The following STAT4 variants were observed in gnomAD, a reference collection of about 807,000 sequenced individuals.
The protein encoded by STAT4 is signal transducer and activator of transcription 4.
Under a neutral mutation model 110.5 loss-of-function variants are expected in STAT4, and 42 were observed. That is an observed-to-expected ratio of 0.38 (90% CI 0.30 to 0.49). The LOEUF (loss-of-function observed/expected upper bound fraction) is 0.49, where lower values mean the gene tolerates loss of function less well. Among genes scored for constraint, STAT4 ranks in the 20% least tolerant of loss-of-function variants. The pLI is 0.95. For synonymous variants in STAT4, 284 were observed against 302.2 expected (o/e 0.94, Z 0.63); for missense variants, 632 against 887.9 (o/e 0.71, Z 3.66).
intron 3 of STAT4, among the ~76,000 whole-genome samples, chr2:191,134,936 C>A (rs1240248057): frequency 1.3e-5 from 2 of 151,292 alleles, no homozygotes; most frequent in African/African-American, 4.9e-5. Context: ...AAGGGAGGTT[C>A]ATAGAAATAA....
In STAT4 at chr2:191,104,784, C is replaced by T. The variant is rs73981282; in HGVS notation, c.274-28459G>A. On this transcript the variant is annotated intron_variant, in intron 3 of 23. Transcript: ENST00000392320. The surrounding 1 kb of genome is among the most constrained non-coding windows in gnomAD (Gnocchi z 4.3). ...TATTACTCTTTTATTTTGCTGCCAA[C>T]TGGTAAAAACTTTATTAAGGATGGG... Among the ~76,000 whole-genome samples the T allele has an allele frequency of 4.2e-3, 646 of 152,154 alleles. 7 individuals carry two copies. The highest frequency in any genetic ancestry group is 0.015 in the African/African-American group (605 of 41,502).
chr2:191,034,492 A>C, intron 18 of STAT4, 56 bp downstream of exon 18: 1 of 1,329,968 alleles, frequency 7.5e-7, no homozygotes, highest in South Asian at 1.2e-5. Flanking sequence ...TAGACTTAGA[A>C]AGGAACATTG....
intron 3 of STAT4, among the ~76,000 whole-genome samples, chr2:191,141,411 A>T (rs1014605714): frequency 2.1e-5 from 1 of 47,792 alleles, no homozygotes; most frequent in Non-Finnish European, 4.9e-5. Context: ...ATATACATAT[A>T]CATATGTATA....
intron 8 of STAT4, among the ~76,000 whole-genome samples, chr2:191,064,129 C>T (rs1696921509): frequency 6.6e-6 from 1 of 152,132 alleles, no homozygotes; most frequent in Non-Finnish European, 1.5e-5. Flanking sequence ...TTGTATTAAC[C>T]ATTTGTGATT....
chr2:191,055,683 T>C (rs1477390533), intron 13 of STAT4, among the ~76,000 whole-genome samples: 1 of 152,216 alleles, frequency 6.6e-6, no homozygotes. Context: ...ATTTTTGTAT[T>C]AAAAAGCAAA....
Position 191,082,032 on chromosome 2 carries a change from C to G in STAT4, c.274-5707G>C, listed in dbSNP as rs1249978849. ...CTGTGCAATGCATGAATCATTCACT[C>G]CAGGGTCTTATTGTGCTGAGATTTC... On this transcript the variant is annotated intron_variant, in intron 3 of 23. Transcript: ENST00000392320. This position sits in a 1 kb window ranked among gnomAD's most constrained non-coding sequence, Gnocchi z 4.7. 6.6e-6 allele frequency among the ~76,000 whole-genome samples: 1 copy of G among 152,122 alleles called. No individual in the cohort carries two copies. Among genetic ancestry groups the G allele is most frequent in the East Asian group, 1.9e-4 (1 of 5,192 alleles).
chr2:191,049,997 G>T (rs1158766704), intron 14 of STAT4, among the ~76,000 whole-genome samples: 1 of 152,168 alleles, frequency 6.6e-6, no homozygotes, highest in Non-Finnish European at 1.5e-5. Context: ...ACTGAACCTT[G>T]AAAGAACATC....
rs1348415640 is a variant in STAT4 at position 191,110,097 on chromosome 2, T to C, written c.274-33772A>G. Among the ~76,000 whole-genome samples the C allele has an allele frequency of 2.0e-5, 3 of 152,196 alleles. No homozygotes were observed. Among genetic ancestry groups the C allele is most frequent in the Non-Finnish European group, 2.9e-5 (2 of 68,030 alleles). On this transcript the variant is annotated intron_variant, in intron 3 of 23. Transcript: ENST00000392320. The surrounding 1 kb of genome is among the most constrained non-coding windows in gnomAD (Gnocchi z 4.5). ...ACCTTCCACAGGGCCCTGCATCAGA[T>C]GCTGGCCGCACAGCAGCCTCAACCA... is the stretch of plus-strand genomic sequence containing the variant.
In STAT4 at chr2:191,147,917, T is replaced by C. The variant is rs888427133; in HGVS notation, c.128+159A>G. Among the ~76,000 whole-genome samples the C allele has an allele frequency of 1.3e-5, 2 of 152,218 alleles. No individual in the cohort carries two copies. The highest frequency in any genetic ancestry group is 4.8e-5 in the African/African-American group (2 of 41,454). On this transcript the variant is annotated intron_variant, in intron 2 of 23. Coordinates refer to ENST00000392320, the MANE Select transcript of STAT4 (RefSeq NM_003151.4). The surrounding 1 kb of genome is among the most constrained non-coding windows in gnomAD (Gnocchi z 4.1). Reference sequence around the variant, plus strand: ...AATGAATGGAACCAGAAAGGACAATTATTCCCCTTCTTTGGGAAGGCTTTC... The same window carrying C: ...AATGAATGGAACCAGAAAGGACAATCATTCCCCTTCTTTGGGAAGGCTTTC...
Position 191,066,587 on chromosome 2 carries a change from C to A in STAT4, c.545-72G>T. ...AGTCAAGTCAGCCTCAATCCACCAT[C>A]CTAAAACAGCCCTGGCCCGGAGAAC... is the stretch of plus-strand genomic sequence containing the variant. On this transcript the variant is annotated intron_variant, in intron 6 of 23. Transcript: ENST00000392320. This position sits in a 1 kb window ranked among gnomAD's most constrained non-coding sequence, Gnocchi z 4.3. 7.2e-7 allele frequency: 1 copy of A among 1,393,272 alleles called. No homozygotes were observed. The highest frequency in any genetic ancestry group is 1.2e-5 in the South Asian group (1 of 82,932). The allele number at this position is 1,393,272 out of a possible 1,614,324, so 86.3% of individuals were successfully genotyped here. A position where few individuals can be genotyped will look rare whatever the true frequency, so the allele number is the denominator to read the frequency against.
intron 8 of STAT4, 130 bp downstream of exon 8, chr2:191,064,677 G>T: frequency 9.0e-7 from 1 of 1,114,614 alleles, no homozygotes; most frequent in Non-Finnish European, 1.2e-6. Context: ...AGATTTCTCA[G>T]CTGCTAATAA....
upstream of STAT4, chr2:191,151,135 C>T (rs1699581936): frequency 1.0e-6 from 1 of 985,386 alleles, no homozygotes; most frequent in Non-Finnish European, 1.2e-6. The surrounding 1 kb of genome is among the most constrained non-coding windows in gnomAD (Gnocchi z 4.7). Flanking sequence ...TTCCCACCCA[C>T]TCTATTCTAG....
At chr2:191,097,921 A>G (rs1002200037) in intron 3 of STAT4, among the ~76,000 whole-genome samples, 2 of 151,822 alleles carry the variant, frequency 1.3e-5, no homozygotes, top group Non-Finnish European at 2.9e-5. Flanking sequence ...CAAGAAAAAA[A>G]AACCAACCAA....
chr2:191,146,875 T>TA lies in STAT4; in HGVS notation c.129-119dup. On this transcript the variant is annotated intron_variant, in intron 2 of 23. Transcript: ENST00000392320. This position sits in a 1 kb window ranked among gnomAD's most constrained non-coding sequence, Gnocchi z 4.5. ...CATGGTGATAAGCATTTAAAAGTTT[T>TA]AAAAAATTAAATTGTTAACATGAAG... 6.2e-6 allele frequency: 6 copies of TA among 965,908 alleles called. No homozygotes were observed. Among genetic ancestry groups the TA allele is most frequent in the Non-Finnish European group, 8.3e-6 (6 of 723,008 alleles). 59.8% of individuals were successfully genotyped at this position (965,908 alleles called of 1,614,324 possible).
At chr2:191,088,483 T>C (rs992857814) in intron 3 of STAT4, among the ~76,000 whole-genome samples, 5 of 152,178 alleles carry the variant, frequency 3.3e-5, no homozygotes, top group African/African-American at 1.2e-4. Context: ...GACTGTATTG[T>C]CAAGATGTCA....
rs1333623093 is a variant in STAT4 at position 191,136,019 on chromosome 2, A to C, written c.273+10594T>G. On this transcript the variant is annotated intron_variant, in intron 3 of 23. Transcript: ENST00000392320. ...ACAGCATCTCAGAAAAAAAAAAAAAAAAACCAAAAAACAAAAAACCAATGT... is the reference window on the plus strand; with the variant it reads ...ACAGCATCTCAGAAAAAAAAAAAAACAAACCAAAAAACAAAAAACCAATGT... Among the ~76,000 whole-genome samples, 75 of 131,674 alleles carry C rather than the reference A, an allele frequency of 5.7e-4. 1 individual carries two copies. The highest frequency in any genetic ancestry group is 1.9e-3 in the African/African-American group (70 of 36,068). The allele number at this position is 131,674 out of a possible 152,430, so 86.4% of individuals were successfully genotyped here. A position where few individuals can be genotyped will look rare whatever the true frequency, so the allele number is the denominator to read the frequency against.
intron 3 of STAT4, among the ~76,000 whole-genome samples, chr2:191,145,943 G>C (rs1387688185): frequency 1.3e-5 from 2 of 152,144 alleles, no homozygotes; most frequent in Non-Finnish European, 2.9e-5. Flanking sequence ...CCCTTAATCA[G>C]TAAACATTGC....
intron 18 of STAT4, among the ~76,000 whole-genome samples, chr2:191,034,263 A>G (rs1189261123): frequency 6.6e-6 from 1 of 152,082 alleles, no homozygotes; most frequent in South Asian, 2.1e-4. Context: ...TCTACTAAAA[A>G]TATGAAAAAA....
chr2:191,141,881 G>T (rs1370841688), intron 3 of STAT4, among the ~76,000 whole-genome samples: 1 of 151,986 alleles, frequency 6.6e-6, no homozygotes, highest in Admixed American at 6.6e-5. Flanking sequence ...GGAATTACAG[G>T]TGTGAGCTAC....
Sources: allele counts gnomAD v4.1 joint callset (sites outside exome capture counted in the v4.1 genomes callset), GRCh38; gene constraint gnomAD v4.1.1; non-coding constraint Gnocchi (gnomAD v3.1); transcripts MANE v1.5; gene names NCBI Gene and HGNC (gene_info 2026-07-23, HGNC 2026-07-21).